PGM1: variants seen among roughly 807,000 people sequenced by gnomAD.
PGM1 encodes phosphoglucomutase-1.
A neutral mutation model predicts 55.6 loss-of-function variants in PGM1; 52 were observed. That is an observed-to-expected ratio of 0.94 (90% CI 0.75 to 1.18). The LOEUF (loss-of-function observed/expected upper bound fraction) is 1.18, where lower values mean the gene tolerates loss of function less well. Ranked by LOEUF, PGM1 falls within the 50% of genes most tolerant of loss-of-function variation. The pLI, the probability that PGM1 is intolerant of heterozygous loss-of-function variation, is 0.00. For missense variants in PGM1, 724 were observed against 729.3 expected, an observed-to-expected ratio of 0.99 and a Z score of 0.08; for synonymous variants, 287 against 271.7, an observed-to-expected ratio of 1.06 and a Z score of -0.55.
intron 7 of PGM1, among the ~76,000 whole-genome samples, chr1:63,647,118 C>T (rs988092065): frequency 2.6e-5 from 4 of 151,512 alleles, no homozygotes; most frequent in African/African-American, 9.7e-5. Context: ...TGGCGGGCAC[C>T]TATAATCCCA....
intron 2 of PGM1, 60 bp downstream of exon 2, chr1:63,629,647 C>G (rs545003850): frequency 3.9e-6 from 6 of 1,530,158 alleles, no homozygotes; most frequent in Non-Finnish European, 3.6e-6. Context: ...AAATCAATAC[C>G]TGGAGCCTTG....
rs1302961946 is a variant in PGM1, at chr1:63,634,950, T to C, written c.804T>C (p.Tyr268=). 6.2e-7 allele frequency: 1 copy of C among 1,614,066 alleles called. No homozygotes were observed. Among genetic ancestry groups the C allele is most frequent in the South Asian group, 1.1e-5 (1 of 91,074 alleles). The stretch of plus-strand genomic sequence containing the variant: ...ACCACCCTGACCCCAACCTCACCTA[T>C]GCAGCTGACCTGGTGGAGACCATGA... ...GGHHPDPNLT[Y]AADLVETMKS... is the part of the protein sequence containing the mutation. The change falls in exon 5 of 11, where the codon TAT becomes TAC. Residue 268 remains tyrosine, a synonymous_variant. Transcript: ENST00000371084.
rs113225895 is a variant in PGM1, at chr1:63,654,131, G to A, written c.1465-201G>A. ...TGACCCTGGAAATGCTTCTCCCACC[G>A]TAGCTAAGCCCCCATCAGCTGGATG... is the stretch of plus-strand genomic sequence containing the variant. On this transcript the variant is annotated intron_variant, in intron 9 of 10. Coordinates refer to ENST00000371084, the MANE Select transcript of PGM1 (RefSeq NM_002633.3). 6.6e-5 allele frequency among the ~76,000 whole-genome samples: 10 copies of A among 152,274 alleles called. 1 individual carries two copies. Among genetic ancestry groups the A allele is most frequent in the African/African-American group, 1.9e-4 (8 of 41,578 alleles).
At chr1:63,622,294 G>A (rs1424796788) in intron 1 of PGM1, among the ~76,000 whole-genome samples, 4 of 151,600 alleles carry the variant, frequency 2.6e-5, no homozygotes, top group Admixed American at 2.6e-4. Flanking sequence ...CAAAGTGCTG[G>A]GATTACAGGT....
chr1:63,632,802 G>A lies in PGM1; in HGVS notation c.682+1020G>A, dbSNP rs368701699. On this transcript the variant is annotated intron_variant, in intron 4 of 10. Coordinates refer to ENST00000371084, the MANE Select transcript of PGM1 (RefSeq NM_002633.3). ...CCAAGGCAGGTGGATCATGGGGTCA[G>A]GAGTTCAAGACCAGCCTGACCAACA... Among the ~76,000 whole-genome samples the A allele has an allele frequency of 9.3e-4, 141 of 152,290 alleles. 4 individuals are homozygous for A. In the South Asian group the frequency reaches 0.028, roughly 31 times the overall value.
chr1:63,600,522 G>A (rs1452031043), intron 1 of PGM1, among the ~76,000 whole-genome samples: 1 of 152,088 alleles, frequency 6.6e-6, no homozygotes, highest in Non-Finnish European at 1.5e-5. Flanking sequence ...AGAGCTGTGG[G>A]GTTCTCGTTG....
chr1:63,649,224 AT>A (rs1249279141), intron 8 of PGM1, among the ~76,000 whole-genome samples: 1 of 152,120 alleles, frequency 6.6e-6, no homozygotes, highest in Non-Finnish European at 1.5e-5. Context: ...CTTGTCAATA[AT>A]TTTTTTAATT....
Position 63,654,314 on chromosome 1 carries a change from T to G in PGM1, c.1465-18T>G. On this transcript the variant is annotated intron_variant, in intron 9 of 10. Coordinates refer to ENST00000371084, the MANE Select transcript of PGM1 (RefSeq NM_002633.3). Reference sequence around the variant, plus strand: ...CTCCCAGCATTTGGGGAAAAAAATCTCTGCTTATCTTTTCCAGGGCTTGCG... The same window carrying G: ...CTCCCAGCATTTGGGGAAAAAAATCGCTGCTTATCTTTTCCAGGGCTTGCG... 1 of 1,613,458 alleles carries G rather than the reference T, an allele frequency of 6.2e-7. No homozygotes were observed. The highest frequency in any genetic ancestry group is 8.5e-7 in the Non-Finnish European group (1 of 1,179,518).
intron 1 of PGM1, among the ~76,000 whole-genome samples, chr1:63,608,633 A>C (rs529986409): frequency 6.6e-6 from 1 of 152,370 alleles, no homozygotes; most frequent in African/African-American, 2.4e-5. Flanking sequence ...TCTGTGGAAC[A>C]AGATGAAGTG....
chr1:63,647,482 A>G (rs1033354811), intron 7 of PGM1, among the ~76,000 whole-genome samples: 1 of 148,746 alleles, frequency 6.7e-6, no homozygotes, highest in African/African-American at 2.4e-5. Context: ...CCGAATTTAC[A>G]TTATTTATCA....
intron 1 of PGM1, among the ~76,000 whole-genome samples, chr1:63,625,813 C>T (rs551390381): frequency 2.0e-5 from 3 of 152,060 alleles, no homozygotes; most frequent in South Asian, 2.1e-4. Context: ...TTTTAAAGGA[C>T]GTTTTATTGC....
At chr1:63,647,513 A>G (rs1012958563) in intron 7 of PGM1, among the ~76,000 whole-genome samples, 3 of 149,320 alleles carry the variant, frequency 2.0e-5, no homozygotes, top group South Asian at 2.1e-4. Flanking sequence ...TTATATATAT[A>G]AATATATAAA....
intron 1 of PGM1, among the ~76,000 whole-genome samples, chr1:63,602,782 G>A (rs921901504): frequency 5.9e-5 from 9 of 152,126 alleles, no homozygotes; most frequent in African/African-American, 1.7e-4. Flanking sequence ...TGGTGATCTC[G>A]TAGGTTGCAG....
intron 1 of PGM1, among the ~76,000 whole-genome samples, chr1:63,609,709 G>A (rs1648516987): frequency 6.6e-6 from 1 of 152,112 alleles, no homozygotes; most frequent in African/African-American, 2.4e-5. Flanking sequence ...CCACCACGCG[G>A]TCCCGAGGGT....
intron 1 of PGM1, among the ~76,000 whole-genome samples, chr1:63,607,352 G>A (rs1379527768): frequency 6.6e-6 from 1 of 152,188 alleles, no homozygotes; most frequent in Non-Finnish European, 1.5e-5. Flanking sequence ...GCATGGGAGG[G>A]TTAAAGATGT....
chr1:63,615,989 CT>C (rs1648702407), intron 1 of PGM1, among the ~76,000 whole-genome samples: 1 of 152,068 alleles, frequency 6.6e-6, no homozygotes, highest in Non-Finnish European at 1.5e-5. Flanking sequence ...TGCTGGCAAT[CT>C]TGCTTGTTTT....
At chr1:63,613,959 G>C (rs1648641546) in intron 1 of PGM1, among the ~76,000 whole-genome samples, 1 of 152,112 alleles carries the variant, frequency 6.6e-6, no homozygotes, top group Non-Finnish European at 1.5e-5. Context: ...TTTAAAACTG[G>C]TGTTGAAGCC....
intron 1 of PGM1, chr1:63,623,844 A>G (rs1260657800): frequency 3.4e-6 from 3 of 879,432 alleles, no homozygotes; most frequent in Non-Finnish European, 5.2e-6. Flanking sequence ...ACAAGGATTT[A>G]TATGTGGTAT....
At chr1:63,635,980 G>C (rs1649350621) in intron 5 of PGM1, among the ~76,000 whole-genome samples, 1 of 152,240 alleles carries the variant, frequency 6.6e-6, no homozygotes, top group South Asian at 2.1e-4. Flanking sequence ...GGAGAACAGA[G>C]GACTCAGCTC....
Sources: allele counts gnomAD v4.1 joint callset (sites outside exome capture counted in the v4.1 genomes callset), GRCh38; gene constraint gnomAD v4.1.1; transcripts MANE v1.5; gene names NCBI Gene and HGNC (gene_info 2026-07-23, HGNC 2026-07-21).